Variants in DNAH5 observed in about 807,000 individuals in gnomAD.
DNAH5 encodes axonemal beta dynein heavy chain 5.
DNAH5 carries 372 observed loss-of-function variants against 518.2 expected under a neutral mutation model. The ratio of observed to expected loss-of-function variants is 0.72; its 90% CI spans 0.66 to 0.78. The LOEUF is 0.78. Ranked by LOEUF, DNAH5 falls within the 30% of genes least tolerant of loss-of-function variation. The probability of loss-of-function intolerance (pLI) is 0.00; values close to 1 mark genes in which losing one functional copy is unlikely to be tolerated. For synonymous variants in DNAH5, 2,039 were observed against 2,025.9 expected (o/e 1.01, Z -0.17); for missense variants, 5,523 against 5,687.0 (o/e 0.97, Z 0.93).
In DNAH5 at chr5:13,717,307, G is replaced by A. The variant is rs897423035; in HGVS notation, c.12705+8C>T. 1.6e-5 allele frequency: 26 copies of A among 1,612,446 alleles called. No individual in the cohort carries two copies. The highest frequency in any genetic ancestry group is 4.4e-5 in the South Asian group (4 of 90,824). On this transcript the variant is annotated splice_region_variant and intron_variant, in intron 73 of 78. Transcript: ENST00000265104. ...ACTAGAGGCATGAGGCAGCATGCGC[G>A]GCAGTACCTTTTTGACATCCATGTC...
Position 13,730,191 on chromosome 5 carries a change from C to G in DNAH5, c.11762-631G>C, listed in dbSNP as rs571985856. 1.5e-4 allele frequency among the ~76,000 whole-genome samples: 23 copies of G among 152,284 alleles called. 1 individual carries two copies. The highest frequency in any genetic ancestry group is 5.5e-4 in the African/African-American group (23 of 41,562). The stretch of plus-strand genomic sequence containing the variant: ...ATTTCCATTTGGTACTGACCCTTAT[C>G]TTTTTACTGATGATTTACCAAAGCT... On this transcript the variant is annotated intron_variant, in intron 68 of 78. Coordinates refer to ENST00000265104, the MANE Select transcript of DNAH5 (RefSeq NM_001369.3).
chr5:13,992,898 A>G (rs2152076002), intron 1 of DNAH5, among the ~76,000 whole-genome samples: 1 of 152,314 alleles, frequency 6.6e-6, no homozygotes, highest in East Asian at 1.9e-4. Flanking sequence ...TAAACCAATC[A>G]TCACTACAGA....
intron 3 of DNAH5, among the ~76,000 whole-genome samples, chr5:13,924,731 A>G (rs907040807): frequency 1.3e-5 from 2 of 152,320 alleles, no homozygotes; most frequent in Non-Finnish European, 2.9e-5. Context: ...TGTTGTGAAA[A>G]TCAACACACT....
chr5:13,787,464 A>G (rs1756238166), intron 51 of DNAH5, among the ~76,000 whole-genome samples: 1 of 152,166 alleles, frequency 6.6e-6, no homozygotes, highest in Non-Finnish European at 1.5e-5. Flanking sequence ...CACAATCATG[A>G]AGATTGACCT....
intron 51 of DNAH5, among the ~76,000 whole-genome samples, chr5:13,787,601 C>G (rs972152979): frequency 1.3e-5 from 2 of 150,378 alleles, no homozygotes; most frequent in African/African-American, 4.9e-5. Flanking sequence ...CCTCCCCCGG[C>G]CCCCAAAATG....
At chr5:13,984,798 T>C (rs938542067) in intron 1 of DNAH5, among the ~76,000 whole-genome samples, 1 of 152,244 alleles carries the variant, frequency 6.6e-6, no homozygotes, top group South Asian at 2.1e-4. Context: ...ATGTGGTTTT[T>C]GTCTTTGGTT....
intron 1 of DNAH5, among the ~76,000 whole-genome samples, chr5:14,006,914 A>C (rs1784760002): frequency 1.3e-5 from 2 of 152,078 alleles, no homozygotes; most frequent in Admixed American, 6.5e-5. Context: ...TGCCTCCACA[A>C]TGAGCTCCAC....
rs765033981 is a variant in DNAH5, at chr5:13,753,270, A to T, written c.10835T>A (p.Ile3612Asn). 5 of 1,613,996 alleles carry T rather than the reference A, an allele frequency of 3.1e-6. No individual in the cohort carries two copies. In the East Asian group the frequency reaches 1.1e-4, roughly 36 times the overall value. Residue 3612 changes from isoleucine (I) to asparagine (N), a missense_variant, in exon 63 of 79, where the codon ATC becomes AAC. Physicochemically the swap from Ile to Asn is moderately radical, Grantham distance 149. Around this residue, in one of 3 missense-constraint regions of DNAH5, gnomAD observed 5,121 missense variants for 5,223.3 expected, o/e 0.98. Transcript: ENST00000265104. Reference protein sequence around the residue: ...LLIDPQTQGKIWIKNKESRNE... With the variant: ...LLIDPQTQGKNWIKNKESRNE... ...TCGGCTTTCTTTATTTTTAATCCAG[A>T]TCTTGCCTTGAGTCTGTGGATCAAT...
At chr5:13,694,650 T>A (rs1741127099) in intron 78 of DNAH5, among the ~76,000 whole-genome samples, 1 of 152,328 alleles carries the variant, frequency 6.6e-6, no homozygotes, top group Non-Finnish European at 1.5e-5. Context: ...GCATTTTTCA[T>A]CTACATGTGA....
At chr5:13,770,681 A>C in intron 56 of DNAH5, 68 bp downstream of exon 56, 1 of 1,428,628 alleles carries the variant, frequency 7.0e-7, no homozygotes, top group Admixed American at 1.8e-5. Context: ...AATAGCCACC[A>C]GGGCAAATCT....
At chr5:13,980,683 G>A (rs182088747) in intron 1 of DNAH5, among the ~76,000 whole-genome samples, 16 of 152,150 alleles carry the variant, frequency 1.1e-4, no homozygotes, top group Admixed American at 3.9e-4. Context: ...CACCCAAATG[G>A]TTCTATCTTT....
intron 1 of DNAH5, among the ~76,000 whole-genome samples, chr5:13,935,921 T>C (rs1299455392): frequency 2.6e-5 from 4 of 152,176 alleles, no homozygotes; most frequent in Admixed American, 6.5e-5. Context: ...TTGTTTTGCA[T>C]TGCATGAAAA....
Position 13,751,122 on chromosome 5 carries a change from G to A in DNAH5, c.11167C>T (p.Leu3723=). 6.2e-7 allele frequency: 1 copy of A among 1,613,992 alleles called. No individual in the cohort carries two copies. Among genetic ancestry groups the A allele is most frequent in the Non-Finnish European group, 8.5e-7 (1 of 1,179,928 alleles). ...ACCCTCCCCAGTAACTGATCTTCTA[G>A]ACCTTTCATGGTGACAGTGAAGTCA... ...IIDFTVTMKG[L]EDQLLGRVIL... is the part of the protein sequence containing the mutation. The change falls in exon 65 of 79, where the codon CTA becomes TTA. Residue 3723 remains leucine, a synonymous_variant. Transcript: ENST00000265104.
chr5:13,981,721 G>A (rs1782685279), intron 1 of DNAH5, among the ~76,000 whole-genome samples: 1 of 152,184 alleles, frequency 6.6e-6, no homozygotes, highest in African/African-American at 2.4e-5. Context: ...AGTAATAACA[G>A]ATCAATATCT....
chr5:13,988,073 G>A (rs987996197), intron 1 of DNAH5, among the ~76,000 whole-genome samples: 4 of 152,074 alleles, frequency 2.6e-5, no homozygotes, highest in East Asian at 1.9e-4. Flanking sequence ...GTTCACTCCC[G>A]GGTCGCCTCC....
chr5:13,992,014 C>T (rs758622325), intron 1 of DNAH5, among the ~76,000 whole-genome samples: 1 of 152,156 alleles, frequency 6.6e-6, no homozygotes, highest in Non-Finnish European at 1.5e-5. Flanking sequence ...ATAAATAAAA[C>T]TGGTACTAGA....
intron 76 of DNAH5, among the ~76,000 whole-genome samples, chr5:13,706,031 A>C (rs79156492): frequency 0.014 from 2,136 of 152,284 alleles, 39 homozygotes; most frequent in African/African-American, 0.048. Flanking sequence ...TAAGCCACCC[A>C]GTCGGTGGTA....
intron 55 of DNAH5, among the ~76,000 whole-genome samples, chr5:13,773,922 A>G (rs2126798709): frequency 6.6e-6 from 1 of 151,150 alleles, no homozygotes; most frequent in South Asian, 2.1e-4. Context: ...AACTGGGGGA[A>G]AAAAAAAAGA....
intron 1 of DNAH5, among the ~76,000 whole-genome samples, chr5:13,950,410 G>A (rs878999597): frequency 3.3e-5 from 5 of 152,128 alleles, no homozygotes; most frequent in Admixed American, 2.0e-4. Context: ...CCAAGTAGCC[G>A]GGATTACAGG....
Sources: gnomAD v4.1 joint callset for allele counts (sites outside exome capture counted in the v4.1 genomes callset) on GRCh38, gnomAD v4.1.1 for gene constraint, gnomAD v4.1.1 regional missense constraint, MANE v1.5 for transcripts, NCBI Gene and HGNC (gene_info 2026-07-23, HGNC 2026-07-21) for gene names.